The following WDR20 variants were observed in gnomAD, a reference collection of about 807,000 sequenced individuals.
The protein encoded by WDR20 is WD repeat-containing protein 20.
WDR20 carries 3 observed loss-of-function variants against 38.7 expected under a neutral mutation model. The ratio of observed to expected loss-of-function variants is 0.08; its 90% CI spans 0.04 to 0.20. WDR20 has a LOEUF of 0.20. Ranked by LOEUF, WDR20 falls within the 10% of genes least tolerant of loss-of-function variation. WDR20 has a pLI of 1.00. For missense variants in WDR20, 559 were observed against 727.7 expected (o/e 0.77, Z 2.67); for synonymous variants, 298 against 285.6 (o/e 1.04, Z -0.44).
intron 1 of WDR20, among the ~76,000 whole-genome samples, chr14:102,183,895 T>A (rs867726915): frequency 6.6e-6 from 1 of 152,250 alleles, no homozygotes; most frequent in Non-Finnish European, 1.5e-5. Context: ...TGCTCTACAA[T>A]GCTCTGTAAT....
chr14:102,215,762 C>G (rs192252787), downstream of WDR20, among the ~76,000 whole-genome samples: 20 of 152,294 alleles, frequency 1.3e-4, no homozygotes, highest in South Asian at 8.3e-4. Context: ...GGCCCGTCGT[C>G]GGTGCAGAGC....
chr14:102,140,381 G>A (rs2050462579), intron 1 of WDR20, among the ~76,000 whole-genome samples: 1 of 152,120 alleles, frequency 6.6e-6, no homozygotes, highest in South Asian at 2.1e-4. Flanking sequence ...TGGGGGCAGT[G>A]GAAAGGGACC....
chr14:102,171,807 T>TA (rs2060876638), intron 1 of WDR20, among the ~76,000 whole-genome samples: 1 of 151,876 alleles, frequency 6.6e-6, no homozygotes, highest in Non-Finnish European at 1.5e-5. Context: ...TAATAATAGG[T>TA]AATTATGCAT....
At chr14:102,178,695 A>G (rs1207924109) in intron 1 of WDR20, among the ~76,000 whole-genome samples, 1 of 151,838 alleles carries the variant, frequency 6.6e-6, no homozygotes, top group Non-Finnish European at 1.5e-5. Flanking sequence ...TATAGGATCT[A>G]GTATTGGTTT....
At position 102,220,937 on chromosome 14, in the gene WDR20, A is replaced by C. The variant is rs1334855173; in HGVS notation, c.1693-1893A>C. Among the ~76,000 whole-genome samples, 4 of 151,914 alleles carry C rather than the reference A, an allele frequency of 2.6e-5. No homozygotes were observed. Among genetic ancestry groups the C allele is most frequent in the Admixed American group, 1.3e-4 (2 of 15,234 alleles). On this transcript the variant is annotated intron_variant, in intron 3 of 3. Transcript: ENST00000335263. The surrounding 1 kb of genome is among the most constrained non-coding windows in gnomAD (Gnocchi z 4.2). Reference sequence around the variant, plus strand: ...AGCCGTGCGCCACCACACCCGGCTAATTTTGTATTAGTAGAGATGGAGTTT... The same window carrying C: ...AGCCGTGCGCCACCACACCCGGCTACTTTTGTATTAGTAGAGATGGAGTTT...
intron 1 of WDR20, among the ~76,000 whole-genome samples, chr14:102,181,444 C>A (rs1458014178): frequency 6.6e-6 from 1 of 151,004 alleles, no homozygotes; most frequent in African/African-American, 2.4e-5. Flanking sequence ...CAGTTAACTT[C>A]TTTGGTCTGA....
rs2061756840 is a variant in WDR20 at position 102,207,455 on chromosome 14, CT to C, written c.433-1147del. 6.6e-6 allele frequency among the ~76,000 whole-genome samples: 1 copy of C among 152,214 alleles called. No individual in the cohort carries two copies. The highest frequency in any genetic ancestry group is 2.4e-5 in the African/African-American group (1 of 41,470). On this transcript the variant is annotated intron_variant, in intron 2 of 2. Transcript: ENST00000342702. This position sits in a 1 kb window ranked among gnomAD's most constrained non-coding sequence, Gnocchi z 5.0. ...GCATGTTTCTTGGCAGATTCTGCCC[CT>C]GTGTGCCCAGTACCCCTCTGAGACT...
chr14:102,209,910 T>C lies in WDR20; in HGVS notation c.*30T>C, dbSNP rs1758768949. On this transcript the variant is annotated 3_prime_UTR_variant, in exon 3 of 3. Transcript: ENST00000342702. This position sits in a 1 kb window ranked among gnomAD's most constrained non-coding sequence, Gnocchi z 6.0. ...GCACCAGATCTAGAACTTGAATAGG[T>C]AGTGACTTTTTTCTTTTTCGTGGGA... 1 of 1,555,674 alleles carries C rather than the reference T, an allele frequency of 6.4e-7. No homozygotes were observed. Among genetic ancestry groups the C allele is most frequent in the South Asian group, 1.2e-5 (1 of 82,606 alleles).
At chr14:102,187,631 G>A (rs1192960934) in intron 1 of WDR20, among the ~76,000 whole-genome samples, 1 of 152,188 alleles carries the variant, frequency 6.6e-6, no homozygotes, top group Non-Finnish European at 1.5e-5. Flanking sequence ...CGTGGCAGTG[G>A]TGGAGTGGGA....
chr14:102,214,181 C>T (rs1319235812), downstream of WDR20: 7 of 985,504 alleles, frequency 7.1e-6, no homozygotes, highest in East Asian at 1.1e-4. Context: ...ACGCCTCCTC[C>T]GGTCTGGTCT....
chr14:102,209,204 C>T lies in WDR20; in HGVS notation c.1034C>T (p.Ala345Val), dbSNP rs1567068604. 6.2e-7 allele frequency: 1 copy of T among 1,614,146 alleles called. No individual in the cohort carries two copies. Among genetic ancestry groups the T allele is most frequent in the East Asian group, 2.2e-5 (1 of 44,882 alleles). The change falls in exon 3 of 3, where the codon GCA becomes GTA. Residue 345 changes from alanine to valine, a missense_variant. Coordinates refer to ENST00000342702, the MANE Select transcript of WDR20 (RefSeq NM_144574.4). The surrounding 1 kb of genome is among the most constrained non-coding windows in gnomAD (Gnocchi z 6.0). ...CTTCTTCATTTTGGCAGAGATCGAG[C>T]AAATAGTACACAGTCCAGGCTCTCC... ...QDLLHFGRDR[A>V]NSTQSRLSKR...
At chr14:102,155,434 C>G (rs2057139231) in intron 1 of WDR20, among the ~76,000 whole-genome samples, 1 of 152,136 alleles carries the variant, frequency 6.6e-6, no homozygotes, top group African/African-American at 2.4e-5. Context: ...GAAAGGAGAG[C>G]AGCCTTAGAG....
intron 1 of WDR20, among the ~76,000 whole-genome samples, chr14:102,174,340 A>G (rs771412789): frequency 6.6e-6 from 1 of 152,114 alleles, no homozygotes; most frequent in Non-Finnish European, 1.5e-5. Context: ...TAGCGGTTGT[A>G]CTAGTTTACA....
At chr14:102,213,103 C>T (rs763616702), downstream of WDR20, 1 of 986,414 alleles carries the variant, frequency 1.0e-6, no homozygotes, top group Non-Finnish European at 1.2e-6. Context: ...AGCTTCAACT[C>T]GCCCTCCTTG....
At chr14:102,212,418 A>G, downstream of WDR20, 5 of 1,270,430 alleles carry the variant, frequency 3.9e-6, no homozygotes, top group Non-Finnish European at 5.5e-6. Flanking sequence ...CTTTGACTGC[A>G]TGTCCTGACC....
intron 1 of WDR20, among the ~76,000 whole-genome samples, chr14:102,161,133 TATA>T (rs2058585301): frequency 9.6e-5 from 1 of 10,452 alleles, no homozygotes; most frequent in East Asian, 5.9e-3. Flanking sequence ...TATATATATA[TATA>T]TATATATTTT....
At chr14:102,210,739 C>T (rs1204040352), downstream of WDR20, among the ~76,000 whole-genome samples, 1 of 103,812 alleles carries the variant, frequency 9.6e-6, no homozygotes, top group South Asian at 3.4e-4. Flanking sequence ...TTGCCGGGGG[C>T]GGGGAGGTGC....
At chr14:102,164,515 A>G (rs11851303) in intron 1 of WDR20, among the ~76,000 whole-genome samples, 2,693 of 152,286 alleles carry the variant, frequency 0.018, 86 homozygotes, top group African/African-American at 0.062. Flanking sequence ...ACAGCCTTCT[A>G]CTGCAATATG....
rs968105102 is a variant in WDR20, at chr14:102,207,269, A to G, written c.433-1334A>G. 2.0e-5 allele frequency among the ~76,000 whole-genome samples: 3 copies of G among 152,220 alleles called. No homozygotes were observed. Among genetic ancestry groups the G allele is most frequent in the Non-Finnish European group, 4.4e-5 (3 of 68,028 alleles). On this transcript the variant is annotated intron_variant, in intron 2 of 2. Transcript: ENST00000342702. The surrounding 1 kb of genome is among the most constrained non-coding windows in gnomAD (Gnocchi z 5.0). ...GCCTGGGGTCCTTTGTTAGCAGCCTACTTTCTAGGGTCTAATGTTCATGCA... is the reference window on the plus strand; with the variant it reads ...GCCTGGGGTCCTTTGTTAGCAGCCTGCTTTCTAGGGTCTAATGTTCATGCA...
Sources: allele counts gnomAD v4.1 joint callset (sites outside exome capture counted in the v4.1 genomes callset), GRCh38; gene constraint gnomAD v4.1.1; non-coding constraint Gnocchi (gnomAD v3.1); transcripts MANE v1.5; gene names NCBI Gene and HGNC (gene_info 2026-07-23, HGNC 2026-07-21).